Variants in LCLAT1 observed in about 807,000 individuals in gnomAD.
LCLAT1 encodes the protein 1-AGP acyltransferase 8.
In LCLAT1, 11 loss-of-function variants were observed where a neutral mutation model predicts 30.7. That is an observed-to-expected ratio of 0.36 (90% CI 0.23 to 0.59). LCLAT1 has a LOEUF of 0.59. Ranked by LOEUF, LCLAT1 falls within the 20% of genes least tolerant of loss-of-function variation. The probability of loss-of-function intolerance (pLI) is 0.77; values close to 1 mark genes in which losing one functional copy is unlikely to be tolerated. For missense variants in LCLAT1, 402 were observed against 458.6 expected, an observed-to-expected ratio of 0.88 and a Z score of 1.13; for synonymous variants, 155 against 151.3, an observed-to-expected ratio of 1.02 and a Z score of -0.18.
chr2:30,489,433 A>G (rs559390645), intron 1 of LCLAT1, among the ~76,000 whole-genome samples: 1 of 152,058 alleles, frequency 6.6e-6, no homozygotes, highest in African/African-American at 2.4e-5. Context: ...GCTCACTGCA[A>G]GCTCTGCCTC....
At chr2:30,623,548 T>C (rs1668368535) in intron 5 of LCLAT1, among the ~76,000 whole-genome samples, 1 of 150,574 alleles carries the variant, frequency 6.6e-6, no homozygotes, top group South Asian at 2.1e-4. Context: ...AATAACCCAG[T>C]CCAACAAAGA....
chr2:30,489,552 C>T (rs1558471414), intron 1 of LCLAT1, among the ~76,000 whole-genome samples: 1 of 152,160 alleles, frequency 6.6e-6, no homozygotes, highest in East Asian at 1.9e-4. Flanking sequence ...CAGCGTTTCA[C>T]CATGTTAGCC....
At chr2:30,600,999 T>C (rs541359331) in intron 5 of LCLAT1, among the ~76,000 whole-genome samples, 30 of 152,198 alleles carry the variant, frequency 2.0e-4, no homozygotes, top group Non-Finnish European at 4.1e-4. Context: ...TTCTTTTTTC[T>C]CTAATCTTAA....
intron 4 of LCLAT1, 81 bp from the exon 5 acceptor site, chr2:30,567,979 A>G (rs978251286): frequency 3.0e-6 from 2 of 676,566 alleles, no homozygotes; most frequent in Non-Finnish European, 5.1e-6. Flanking sequence ...ATTTTTTATC[A>G]AAAAAAATTC....
intron 1 of LCLAT1, among the ~76,000 whole-genome samples, chr2:30,502,969 G>A (rs181704778): frequency 1.3e-5 from 2 of 152,330 alleles, no homozygotes; most frequent in East Asian, 3.9e-4. Context: ...CTCACAGGCA[G>A]TGGGCCCAGA....
At chr2:30,453,574 G>C (rs1041867530) in intron 1 of LCLAT1, among the ~76,000 whole-genome samples, 1 of 152,174 alleles carries the variant, frequency 6.6e-6, no homozygotes, top group Admixed American at 6.5e-5. Context: ...GACTAAACTC[G>C]ATCATTTTTG....
At chr2:30,518,867 C>G (rs1355134401) in intron 1 of LCLAT1, among the ~76,000 whole-genome samples, 1 of 152,236 alleles carries the variant, frequency 6.6e-6, no homozygotes, top group African/African-American at 2.4e-5. Context: ...TAGCCCCCAT[C>G]TATTTGGCCA....
chr2:30,485,313 G>A (rs758250601), intron 1 of LCLAT1, among the ~76,000 whole-genome samples: 3 of 152,140 alleles, frequency 2.0e-5, no homozygotes, highest in Non-Finnish European at 4.4e-5. Flanking sequence ...ACTTAATGAA[G>A]CACTACACTA....
At chr2:30,526,466 T>C (rs973572350) in intron 2 of LCLAT1, among the ~76,000 whole-genome samples, 7 of 152,330 alleles carry the variant, frequency 4.6e-5, no homozygotes, top group African/African-American at 1.7e-4. Flanking sequence ...TATTTTGGGT[T>C]CTTTATTGGT....
chr2:30,640,497 A>G lies in LCLAT1; in HGVS notation c.1009A>G (p.Ile337Val), dbSNP rs1156820411. Residue 337 changes from isoleucine to valine, a missense_variant, in exon 6 of 6, where the codon ATA (isoleucine) becomes GTA (valine). Coordinates refer to ENST00000379509, the MANE Select transcript of LCLAT1 (RefSeq NM_001002257.3). The stretch of plus-strand genomic sequence containing the variant: ...GTACAGTCTTGTTAAGTGGTATTTT[A>G]TAATCACCATTGTAATCTTTGTGCT... ...YLYSLVKWYF[I>V]ITIVIFVLQE... 2 of 1,614,168 alleles carry G rather than the reference A, an allele frequency of 1.2e-6. No homozygotes were observed. Among genetic ancestry groups the G allele is most frequent in the Admixed American group, 3.3e-5 (2 of 60,034 alleles).
chr2:30,454,188 A>G (rs1048277576), intron 1 of LCLAT1, among the ~76,000 whole-genome samples: 3 of 152,230 alleles, frequency 2.0e-5, no homozygotes, highest in Non-Finnish European at 4.4e-5. Flanking sequence ...GAGTCTGTCT[A>G]TAATGTGGGA....
intron 3 of LCLAT1, 89 bp from the exon 4 acceptor site, chr2:30,562,057 A>G: frequency 1.1e-6 from 1 of 885,438 alleles, no homozygotes; most frequent in South Asian, 2.4e-5. Flanking sequence ...AATATATAGT[A>G]AAACCAGAAA....
chr2:30,534,800 A>G (rs939238542), intron 3 of LCLAT1, among the ~76,000 whole-genome samples: 3 of 152,220 alleles, frequency 2.0e-5, no homozygotes, highest in Admixed American at 1.3e-4. Context: ...ACCATCCTCA[A>G]AGATTCTAGA....
At position 30,548,723 on chromosome 2, in the gene LCLAT1, A is replaced by AT. The variant is rs535636033; in HGVS notation, c.365-13418dup. 2.5e-3 allele frequency among the ~76,000 whole-genome samples: 384 copies of AT among 152,224 alleles called. 4 individuals are homozygous for AT. The highest frequency in any genetic ancestry group is 3.9e-3 in the Non-Finnish European group (265 of 68,016). ...TAAGGGGATTATCTATATAATGTGGATTTTTCCCACAAAAAACTTTACAAG... is the reference window on the plus strand; with the variant it reads ...TAAGGGGATTATCTATATAATGTGGATTTTTTCCCACAAAAAACTTTACAAG... On this transcript the variant is annotated intron_variant, in intron 3 of 5. Transcript: ENST00000379509.
chr2:30,632,828 C>G (rs1306955163), intron 5 of LCLAT1, among the ~76,000 whole-genome samples: 5 of 152,178 alleles, frequency 3.3e-5, no homozygotes, highest in African/African-American at 1.2e-4. Flanking sequence ...CTGAGAGCTG[C>G]CTGACTGCAC....
intron 3 of LCLAT1, among the ~76,000 whole-genome samples, chr2:30,537,615 GA>G (rs1315974817): frequency 1.3e-5 from 2 of 151,950 alleles, no homozygotes; most frequent in Non-Finnish European, 2.9e-5. Context: ...GGGAGCGTTA[GA>G]CCCCAATATA....
chr2:30,564,549 C>T (rs1260038753), intron 4 of LCLAT1, among the ~76,000 whole-genome samples: 2 of 151,954 alleles, frequency 1.3e-5, no homozygotes, highest in Non-Finnish European at 2.9e-5. Context: ...ATTTTAAATG[C>T]AAATGATGTT....
At chr2:30,482,595 G>C (rs997810464) in intron 1 of LCLAT1, among the ~76,000 whole-genome samples, 1 of 152,068 alleles carries the variant, frequency 6.6e-6, no homozygotes, top group African/African-American at 2.4e-5. Context: ...ATATTCTTTT[G>C]AATATGCTGT....
At chr2:30,515,238 A>G (rs1443414970) in intron 1 of LCLAT1, among the ~76,000 whole-genome samples, 1 of 152,084 alleles carries the variant, frequency 6.6e-6, no homozygotes, top group East Asian at 1.9e-4. Flanking sequence ...GTCTACTTTG[A>G]TCTACCCTTA....
Sources: gnomAD v4.1 joint callset for allele counts (sites outside exome capture counted in the v4.1 genomes callset) on GRCh38, gnomAD v4.1.1 for gene constraint, MANE v1.5 for transcripts, NCBI Gene and HGNC (gene_info 2026-07-23, HGNC 2026-07-21) for gene names.